ADGRF5: variants seen among roughly 807,000 people sequenced by gnomAD.
ADGRF5 encodes the protein adhesion G protein-coupled receptor F5, also known as G-protein coupled receptor 116.
ADGRF5 carries 75 observed loss-of-function variants against 132.3 expected under a neutral mutation model. The ratio of observed to expected loss-of-function variants is 0.57; its 90% CI spans 0.47 to 0.69. ADGRF5 has a LOEUF of 0.69. Among genes scored for constraint, ADGRF5 ranks in the 30% least tolerant of loss-of-function variants. ADGRF5 has a pLI of 0.00. For missense variants in ADGRF5, 1,516 were observed against 1,630.6 expected, an observed-to-expected ratio of 0.93 and a Z score of 1.21; for synonymous variants, 629 against 597.6, an observed-to-expected ratio of 1.05 and a Z score of -0.77.
At chr6:46,864,223 A>G (rs924341608) in intron 14 of ADGRF5, among the ~76,000 whole-genome samples, 4 of 152,178 alleles carry the variant, frequency 2.6e-5, no homozygotes, top group Admixed American at 6.5e-5. Context: ...GCTCCCCAAC[A>G]TGGGCTAGCA....
chr6:46,920,599 A>G (rs1309456385), intron 1 of ADGRF5, among the ~76,000 whole-genome samples: 1 of 151,560 alleles, frequency 6.6e-6, no homozygotes, highest in African/African-American at 2.4e-5. Context: ...GCGATGGCTG[A>G]CACCCGTAAT....
chr6:46,917,829 A>T (rs1325228541), intron 1 of ADGRF5, among the ~76,000 whole-genome samples: 1 of 152,218 alleles, frequency 6.6e-6, no homozygotes, highest in African/African-American at 2.4e-5. Context: ...GCAAACAAAC[A>T]TGGCACATGT....
In ADGRF5 at chr6:46,866,916, G is replaced by A; in HGVS notation, c.1834+9C>T. On this transcript the variant is annotated intron_variant, in intron 13 of 20. Coordinates refer to ENST00000283296, the MANE Select transcript of ADGRF5 (RefSeq NM_001098518.2). Reference sequence around the variant, plus strand: ...ATATACCCTAACAATTCAGCAATCAGCATCTTACCAGCAGGAAGGGATGAG... The same window carrying A: ...ATATACCCTAACAATTCAGCAATCAACATCTTACCAGCAGGAAGGGATGAG... 2.6e-6 allele frequency: 4 copies of A among 1,535,380 alleles called. No individual in the cohort carries two copies. The South Asian group carries it at 4.5e-5, about 17-fold the overall frequency.
chr6:46,910,708 A>ACC (rs1229435707), intron 1 of ADGRF5, among the ~76,000 whole-genome samples: 2 of 151,942 alleles, frequency 1.3e-5, no homozygotes, highest in African/African-American at 2.4e-5. Context: ...CAACCAACCA[A>ACC]ACAAACAAAC....
intron 1 of ADGRF5, among the ~76,000 whole-genome samples, chr6:46,943,049 A>C (rs1778154477): frequency 6.6e-6 from 1 of 152,204 alleles, no homozygotes; most frequent in Non-Finnish European, 1.5e-5. Context: ...CATGTCCCTG[A>C]AAATTGACAC....
intron 1 of ADGRF5, among the ~76,000 whole-genome samples, chr6:46,931,752 G>A (rs1037959053): frequency 1.6e-4 from 25 of 152,248 alleles, no homozygotes; most frequent in South Asian, 4.2e-4. Flanking sequence ...TGAAGACTGA[G>A]GGTTTGCATC....
At chr6:46,927,308 G>GT (rs1777302382) in intron 1 of ADGRF5, among the ~76,000 whole-genome samples, 1 of 145,740 alleles carries the variant, frequency 6.9e-6, no homozygotes, top group Non-Finnish European at 1.5e-5. Flanking sequence ...GCGGGGGTGG[G>GT]TGGAGGGGGG....
intron 3 of ADGRF5, among the ~76,000 whole-genome samples, chr6:46,895,871 C>T (rs1054247835): frequency 6.6e-6 from 1 of 151,858 alleles, no homozygotes; most frequent in Non-Finnish European, 1.5e-5. Flanking sequence ...CTGCAAACCT[C>T]CAAAACAAGC....
At position 46,895,842 on chromosome 6, in the gene ADGRF5, G is replaced by A. The variant is rs1774130397; in HGVS notation, c.157+4187C>T. On this transcript the variant is annotated intron_variant, in intron 3 of 20. Coordinates refer to ENST00000283296, the MANE Select transcript of ADGRF5 (RefSeq NM_001098518.2). ...ATTCCCCCATGAAGAGTCCCCATAA[G>A]ACTAAATTTGGAGTTTGTCTGCAAA... Among the ~76,000 whole-genome samples the A allele has an allele frequency of 3.3e-5, 5 of 151,628 alleles. No homozygotes were observed. In the South Asian group the frequency reaches 8.4e-4, roughly 25 times the overall value.
chr6:46,866,290 T>A (rs998474363), intron 13 of ADGRF5, among the ~76,000 whole-genome samples: 2 of 126,928 alleles, frequency 1.6e-5, no homozygotes, highest in Non-Finnish European at 1.7e-5. Context: ...CTCTGGCAGA[T>A]GAATTTTGTT....
chr6:46,933,541 G>GT (rs1777667114), intron 1 of ADGRF5, among the ~76,000 whole-genome samples: 1 of 152,184 alleles, frequency 6.6e-6, no homozygotes. Flanking sequence ...AGTTGGCCTG[G>GT]TGATCAGGTT....
At chr6:46,925,829 C>G (rs1020323022), upstream of ADGRF5, among the ~76,000 whole-genome samples, 1 of 152,192 alleles carries the variant, frequency 6.6e-6, no homozygotes, top group Non-Finnish European at 1.5e-5. Flanking sequence ...ACGCCACAGC[C>G]CTGGCCAGCA....
chr6:46,899,860 T>C (rs186652700), intron 3 of ADGRF5, among the ~76,000 whole-genome samples, 169 bp downstream of exon 3: 183 of 152,088 alleles, frequency 1.2e-3, no homozygotes, highest in African/African-American at 4.3e-3. Flanking sequence ...TTACTGTCAT[T>C]TGGTAGAGAA....
Position 46,872,009 on chromosome 6 carries a change from G to T in ADGRF5, c.1245C>A (p.Thr415=), listed in dbSNP as rs1490466985. The T allele has an allele frequency of 1.3e-6, 2 of 1,594,036 alleles. No homozygotes were observed. The highest frequency in any genetic ancestry group is 1.7e-5 in the Admixed American group (1 of 59,282). ...AGCTAGAATCTATGTCTGTCTCAGGGGTTCCTATAATGAGAAGCAAATTGT... is the reference window on the plus strand; with the variant it reads ...AGCTAGAATCTATGTCTGTCTCAGGTGTTCCTATAATGAGAAGCAAATTGT... ...KQEGKINIPG[T]PETDIDSSCS... Residue 415 remains threonine, a synonymous_variant, in exon 11 of 21, where the codon ACC becomes ACA. Coordinates refer to ENST00000283296, the MANE Select transcript of ADGRF5 (RefSeq NM_001098518.2).
chr6:46,877,199 C>CT (rs1376065296), intron 10 of ADGRF5, among the ~76,000 whole-genome samples: 2 of 152,094 alleles, frequency 1.3e-5, no homozygotes, highest in Non-Finnish European at 2.9e-5. Context: ...GAAACAAGAC[C>CT]TTTGGTGAGT....
intron 6 of ADGRF5, among the ~76,000 whole-genome samples, 170 bp downstream of exon 6, chr6:46,883,389 A>G (rs1396112966): frequency 6.6e-6 from 1 of 152,226 alleles, no homozygotes; most frequent in Non-Finnish European, 1.5e-5. Context: ...ACTGTCCCCT[A>G]AACATGATTT....
chr6:46,920,924 C>T (rs1776875331), intron 1 of ADGRF5, among the ~76,000 whole-genome samples: 1 of 152,100 alleles, frequency 6.6e-6, no homozygotes, highest in South Asian at 2.1e-4. Flanking sequence ...AGAATATAGT[C>T]AAGTATTATC....
rs1768629498 is a variant in ADGRF5, at chr6:46,852,756, TTC to T, written c.*1234_*1235del. The stretch of plus-strand genomic sequence containing the variant: ...CAGAACAACCGAATGTAAAATTTCT[TTC>T]CAGGAGCTTTCCACGTGGTTGGAAT... On this transcript the variant is annotated 3_prime_UTR_variant, in exon 21 of 21. Coordinates refer to ENST00000283296, the MANE Select transcript of ADGRF5 (RefSeq NM_001098518.2). The T allele has an allele frequency of 6.6e-6, 1 of 151,418 alleles. No homozygotes were observed. The highest frequency in any genetic ancestry group is 2.5e-5 in the African/African-American group (1 of 40,698). 9.4% of individuals were successfully genotyped at this position (151,418 alleles called of 1,614,324 possible).
intron 3 of ADGRF5, among the ~76,000 whole-genome samples, chr6:46,894,441 A>G (rs1388771561): frequency 1.3e-5 from 2 of 152,184 alleles, no homozygotes; most frequent in Non-Finnish European, 2.9e-5. Flanking sequence ...AGTCTAGGGA[A>G]GAGAATTCAT....
Sources: gnomAD v4.1 joint callset for allele counts (sites outside exome capture counted in the v4.1 genomes callset) on GRCh38, gnomAD v4.1.1 for gene constraint, MANE v1.5 for transcripts, NCBI Gene and HGNC (gene_info 2026-07-23, HGNC 2026-07-21) for gene names.